The following AMPD3 variants were observed in gnomAD, a reference collection of about 807,000 sequenced individuals.
AMPD3 encodes the protein AMP deaminase 3.
A neutral mutation model predicts 82.3 loss-of-function variants in AMPD3; 57 were observed. The observed-to-expected ratio is 0.69, with a 90% CI of 0.56 to 0.86. The LOEUF is 0.86. AMPD3 is among the 40% of genes least tolerant of loss of function. The pLI is 0.00. For synonymous variants in AMPD3, 381 were observed against 394.7 expected (o/e 0.97, Z 0.41); for missense variants, 870 against 1,003.8 (o/e 0.87, Z 1.80).
intron 4 of AMPD3, 60 bp from the exon 5 acceptor site, chr11:10,484,760 G>A: frequency 6.3e-7 from 1 of 1,588,530 alleles, no homozygotes; most frequent in Non-Finnish European, 8.6e-7. Flanking sequence ...CGTGTCTTTT[G>A]AGCCCATGTG....
chr11:10,495,365 C>T, intron 8 of AMPD3: 3 of 985,372 alleles, frequency 3.0e-6, no homozygotes, highest in Non-Finnish European at 3.6e-6. Context: ...GTTCTGCAGA[C>T]CCAAGGCCTT....
chr11:10,481,174 C>A (rs879344608), intron 3 of AMPD3, among the ~76,000 whole-genome samples: 2 of 152,146 alleles, frequency 1.3e-5, no homozygotes, highest in Admixed American at 1.3e-4. Context: ...ATGGAAAGGT[C>A]TGGCACATAA....
At chr11:10,471,468 T>C (rs1425384112) in intron 2 of AMPD3, among the ~76,000 whole-genome samples, 1 of 152,148 alleles carries the variant, frequency 6.6e-6, no homozygotes, top group Non-Finnish European at 1.5e-5. Context: ...CTAATTAAAC[T>C]AAAGAGCTTC....
At chr11:10,458,179 T>C (rs1383609621) in intron 1 of AMPD3, among the ~76,000 whole-genome samples, 1 of 148,924 alleles carries the variant, frequency 6.7e-6, no homozygotes, top group Admixed American at 6.8e-5. Context: ...AGGCTGATCT[T>C]GAACTCTTAG....
intron 1 of AMPD3, among the ~76,000 whole-genome samples, chr11:10,459,922 G>T (rs1848207967): frequency 6.6e-6 from 1 of 151,416 alleles, no homozygotes; most frequent in Non-Finnish European, 1.5e-5. Context: ...TGTGACCCTG[G>T]GCATGTTAGC....
Position 10,462,324 on chromosome 11 carries a change from G to A in AMPD3, c.221+584G>A, listed in dbSNP as rs560280883. Among the ~76,000 whole-genome samples, 7 of 152,316 alleles carry A rather than the reference G, an allele frequency of 4.6e-5. No homozygotes were observed. In the South Asian group the frequency reaches 1.5e-3, roughly 32 times the overall value. On this transcript the variant is annotated intron_variant, in intron 2 of 14. Transcript: ENST00000396553. ...TGGTAGAGAGCTGAGAAACCAAACA[G>A]GGGAGAGAGAGGCGGCTCAGAGATT...
chr11:10,450,830 C>T (rs1477870403), upstream of AMPD3: 14 of 1,194,390 alleles, frequency 1.2e-5, no homozygotes, highest in African/African-American at 1.8e-4. Flanking sequence ...GCCCTCCCTC[C>T]TCCCGCGGGG....
In AMPD3 at chr11:10,478,666, C is replaced by T. The variant is rs780348844; in HGVS notation, c.362C>T (p.Thr121Met). ...GTCACTGGAGCCACTTCCCTGCCCACGCCAGCACCCTATGCCATGCCTGAG... is the reference window on the plus strand; with the variant it reads ...GTCACTGGAGCCACTTCCCTGCCCATGCCAGCACCCTATGCCATGCCTGAG... The part of the protein sequence containing the change: ...PVVTGATSLP[T>M]PAPYAMPEFQ... Residue 121 changes from threonine (T) to methionine (M), a missense_variant, in exon 3 of 15, where the codon ACG becomes ATG. Physicochemically the swap from Thr to Met is moderately conservative, Grantham distance 81 (BLOSUM62 -1). Coordinates refer to ENST00000396553, the MANE Select transcript of AMPD3 (RefSeq NM_001025389.2). The T allele has an allele frequency of 4.8e-5, 77 of 1,614,106 alleles. No individual in the cohort carries two copies. The East Asian group carries it at 5.1e-4, about 11-fold the overall frequency.
intron 7 of AMPD3, among the ~76,000 whole-genome samples, chr11:10,494,311 C>T (rs1282554523): frequency 6.6e-6 from 1 of 152,182 alleles, no homozygotes; most frequent in Non-Finnish European, 1.5e-5. Flanking sequence ...AGAGTAGAAG[C>T]TACCAGGGGC....
intron 2 of AMPD3, among the ~76,000 whole-genome samples, chr11:10,466,835 C>T (rs537881296): frequency 6.6e-6 from 1 of 152,296 alleles, no homozygotes; most frequent in East Asian, 1.9e-4. Context: ...ATGAAGCTTC[C>T]AGAGGAAAGA....
In AMPD3 at chr11:10,490,204, C is replaced by T. The variant is rs180825178; in HGVS notation, c.939+2840C>T. 2.4e-3 allele frequency among the ~76,000 whole-genome samples: 366 copies of T among 152,260 alleles called. 2 individuals carry two copies. The highest frequency in any genetic ancestry group is 8.4e-3 in the African/African-American group (350 of 41,532). ...CAGCAGGTGAAGGGCTGAGACACCC[C>T]GAGGCCCAGCCAGCAGGACTGTGTG... On this transcript the variant is annotated intron_variant, in intron 6 of 14. Coordinates refer to ENST00000396553, the MANE Select transcript of AMPD3 (RefSeq NM_001025389.2).
At chr11:10,505,613 T>A in intron 14 of AMPD3, 95 bp from the exon 15 acceptor site, 4 of 1,556,956 alleles carry the variant, frequency 2.6e-6, no homozygotes, top group Non-Finnish European at 3.5e-6. Flanking sequence ...GGGGGACTAG[T>A]CTGACTTGCT....
intron 2 of AMPD3, among the ~76,000 whole-genome samples, chr11:10,474,775 G>A (rs1310378957): frequency 1.6e-4 from 24 of 152,238 alleles, no homozygotes; most frequent in Admixed American, 1.6e-3. Context: ...CCCACACTCT[G>A]CTGGCTCCTT....
Position 10,493,435 on chromosome 11 carries a change from C to T in AMPD3, c.1026C>T (p.Asp342=). The T allele has an allele frequency of 6.2e-7, 1 of 1,614,246 alleles. No homozygotes were observed. ...FIKHTYQTEP[D]RTVAEKRGRK... Reference sequence around the variant, plus strand: ...AGCACACATACCAGACGGAGCCTGACAGGACTGTGGCAGAGAAGCGGGGCC... The same window carrying T: ...AGCACACATACCAGACGGAGCCTGATAGGACTGTGGCAGAGAAGCGGGGCC... The change falls in exon 7 of 15, where the codon GAC becomes GAT. Residue 342 remains aspartate, a synonymous_variant. Coordinates refer to ENST00000396553, the MANE Select transcript of AMPD3 (RefSeq NM_001025389.2).
intron 2 of AMPD3, among the ~76,000 whole-genome samples, chr11:10,466,944 A>T (rs1271245276): frequency 2.6e-5 from 4 of 152,246 alleles, no homozygotes; most frequent in Non-Finnish European, 5.9e-5. Flanking sequence ...GAGGGGTCTG[A>T]TTGTTAGGAG....
At chr11:10,499,903 T>C in intron 10 of AMPD3, 183 bp from the exon 11 acceptor site, 1 of 984,530 alleles carries the variant, frequency 1.0e-6, no homozygotes, top group Non-Finnish European at 1.2e-6. Flanking sequence ...GACCTTGGTG[T>C]TGTACCCACT....
chr11:10,455,006 A>G, upstream of AMPD3: 2 of 374,086 alleles, frequency 5.3e-6, no homozygotes, highest in Non-Finnish European at 7.4e-6. Context: ...CAACCCTGTA[A>G]TACTGCTCTG....
At chr11:10,484,613 T>A (rs1408708916) in intron 4 of AMPD3, 1 of 724,962 alleles carries the variant, frequency 1.4e-6, no homozygotes, top group East Asian at 1.3e-4. Flanking sequence ...GGAGAAGACA[T>A]CATATCTGAG....
In AMPD3 at chr11:10,505,310, T is replaced by G. The variant is rs1849686994; in HGVS notation, c.2128-398T>G. 5 of 985,394 alleles carry G rather than the reference T, an allele frequency of 5.1e-6. No homozygotes were observed. The South Asian group carries it at 2.3e-4, about 46-fold the overall frequency. 61.0% of individuals were successfully genotyped at this position (985,394 alleles called of 1,614,324 possible). A position where few individuals can be genotyped will look rare whatever the true frequency, so the allele number is the denominator to read the frequency against. On this transcript the variant is annotated intron_variant, in intron 14 of 14. Transcript: ENST00000396553. ...TGCAGCAGAGTTAAAGGCTTAAGAT[T>G]CTTTTCATGCGCAGTGTGGTGCCTT... is the stretch of plus-strand genomic sequence containing the variant.
Sources: gnomAD v4.1 joint callset for allele counts (sites outside exome capture counted in the v4.1 genomes callset) on GRCh38, gnomAD v4.1.1 for gene constraint, MANE v1.5 for transcripts, NCBI Gene and HGNC (gene_info 2026-07-23, HGNC 2026-07-21) for gene names.